Variants in MBNL1 observed in about 807,000 individuals in gnomAD.
The protein encoded by MBNL1 is muscleblind-like protein 1.
A neutral mutation model predicts 42.2 loss-of-function variants in MBNL1; 8 were observed. The observed-to-expected ratio is 0.19, with a 90% CI of 0.11 to 0.34. The LOEUF (loss-of-function observed/expected upper bound fraction) is 0.34. Among genes scored for constraint, MBNL1 ranks in the 10% least tolerant of loss-of-function variants. MBNL1 has a pLI of 1.00. For missense variants in MBNL1, 309 were observed against 495.3 expected (o/e 0.62, Z 3.57); for synonymous variants, 169 against 173.9 (o/e 0.97, Z 0.22).
intron 4 of MBNL1, among the ~76,000 whole-genome samples, chr3:152,439,571 T>TA (rs2099120436): frequency 6.6e-6 from 1 of 152,210 alleles, no homozygotes; most frequent in Non-Finnish European, 1.5e-5. Context: ...TTTATATCTG[T>TA]AATAAACTTT....
intron 1 of MBNL1, among the ~76,000 whole-genome samples, chr3:152,287,892 C>G (rs1295862042): frequency 6.6e-6 from 1 of 152,086 alleles, no homozygotes; most frequent in Non-Finnish European, 1.5e-5. Flanking sequence ...TGCACAGAAC[C>G]TTATGTGCAA....
At chr3:152,329,430 A>G (rs2082591386) in intron 2 of MBNL1, among the ~76,000 whole-genome samples, 1 of 151,748 alleles carries the variant, frequency 6.6e-6, no homozygotes. Context: ...AATTTGCAAC[A>G]ACCCCAAGGA....
chr3:152,296,491 A>G (rs187760583), intron 1 of MBNL1, among the ~76,000 whole-genome samples: 1 of 152,300 alleles, frequency 6.6e-6, no homozygotes, highest in Admixed American at 6.5e-5. Context: ...TGGCTATGAA[A>G]TATTCGTGAC....
upstream of MBNL1, chr3:152,263,310 G>C (rs776093650): frequency 3.9e-5 from 6 of 152,148 alleles, no homozygotes; most frequent in Non-Finnish European, 5.9e-5. Context: ...CCCTATCTCT[G>C]GGAACTGGAA....
At chr3:152,321,264 T>A (rs1383539781) in intron 2 of MBNL1, among the ~76,000 whole-genome samples, 1 of 152,082 alleles carries the variant, frequency 6.6e-6, no homozygotes, top group East Asian at 1.9e-4. Flanking sequence ...CATTAAGAGT[T>A]AGAATAGAGT....
intron 3 of MBNL1, among the ~76,000 whole-genome samples, chr3:152,430,756 G>A (rs1204865256): frequency 6.6e-6 from 1 of 152,178 alleles, no homozygotes; most frequent in African/African-American, 2.4e-5. Context: ...AATGCCCTAG[G>A]CCCTAGTTTC....
intron 1 of MBNL1, among the ~76,000 whole-genome samples, chr3:152,275,336 C>T (rs943288565): frequency 6.6e-6 from 1 of 152,074 alleles, no homozygotes; most frequent in African/African-American, 2.4e-5. Flanking sequence ...TTCTGTTTAC[C>T]AGATCTTGGT....
At position 152,367,027 on chromosome 3, in the gene MBNL1, G is replaced by A. The variant is rs115754869; in HGVS notation, c.175-47914G>A. ...ATTCTAAAGGAACAATACATTAGAC[G>A]TAGTTTACATTTGGCTTTTTAAAAT... On this transcript the variant is annotated intron_variant, in intron 2 of 9. Coordinates refer to ENST00000324210, the MANE Select transcript of MBNL1 (RefSeq NM_021038.5). 9.4e-3 allele frequency among the ~76,000 whole-genome samples: 1,430 copies of A among 152,092 alleles called. 18 individuals are homozygous for A. Among genetic ancestry groups the A allele is most frequent in the East Asian group, 0.03 (156 of 5,176 alleles).
intron 1 of MBNL1, among the ~76,000 whole-genome samples, chr3:152,282,663 TA>T (rs918208659): frequency 2.6e-4 from 39 of 151,482 alleles, no homozygotes; most frequent in African/African-American, 8.7e-4. Context: ...TTTCAATAAT[TA>T]AAAAAAAATT....
At chr3:152,300,443 A>G (rs2060242150) in intron 2 of MBNL1, 76 bp downstream of exon 2, 2 of 1,197,014 alleles carry the variant, frequency 1.7e-6, no homozygotes, top group Non-Finnish European at 2.4e-6. Flanking sequence ...TTCTCTGCAT[A>G]TGGGATTATG....
intron 2 of MBNL1, among the ~76,000 whole-genome samples, chr3:152,352,730 A>G (rs1178853639): frequency 1.3e-5 from 2 of 152,140 alleles, no homozygotes; most frequent in African/African-American, 2.4e-5. Flanking sequence ...AGTAACCCAC[A>G]TCAGTTCCTG....
At chr3:152,353,076 A>G (rs1341331785) in intron 2 of MBNL1, among the ~76,000 whole-genome samples, 3 of 152,208 alleles carry the variant, frequency 2.0e-5, no homozygotes, top group Non-Finnish European at 4.4e-5. Flanking sequence ...TGTCAGATAT[A>G]ATTTTTTGTC....
At chr3:152,458,545 C>A in intron 8 of MBNL1, 2 of 234,240 alleles carry the variant, frequency 8.5e-6, no homozygotes, top group Non-Finnish European at 8.6e-6. Context: ...AGTCCTCTGA[C>A]AGTCTCAATC....
rs75018676 is a variant in MBNL1, at chr3:152,287,644, A to G, written c.-789-11761A>G. 8.8e-3 allele frequency among the ~76,000 whole-genome samples: 1,344 copies of G among 152,328 alleles called. 27 individuals are homozygous for G. The highest frequency in any genetic ancestry group is 0.031 in the African/African-American group (1,270 of 41,578). On this transcript the variant is annotated intron_variant, in intron 1 of 9. Coordinates refer to ENST00000324210, the MANE Select transcript of MBNL1 (RefSeq NM_021038.5). ...ACGAGTCACTGATTCAGATAATCCAATAATCTTTCTGGAGCATCAGTATCC... is the reference window on the plus strand; with the variant it reads ...ACGAGTCACTGATTCAGATAATCCAGTAATCTTTCTGGAGCATCAGTATCC...
intron 2 of MBNL1, among the ~76,000 whole-genome samples, chr3:152,362,355 G>C (rs1472770579): frequency 6.6e-6 from 1 of 152,170 alleles, no homozygotes; most frequent in Non-Finnish European, 1.5e-5. Flanking sequence ...GGTTTGCGCA[G>C]ATGTCAAAAG....
chr3:152,249,396 T>G (rs1489213201), intron 2 of MBNL1, among the ~76,000 whole-genome samples: 3 of 131,572 alleles, frequency 2.3e-5, no homozygotes, highest in East Asian at 4.3e-4. Context: ...TCATGTGTTT[T>G]TTGGCTGCAT....
intron 2 of MBNL1, among the ~76,000 whole-genome samples, chr3:152,366,929 A>G (rs1329391068): frequency 6.6e-6 from 1 of 152,208 alleles, no homozygotes; most frequent in African/African-American, 2.4e-5. Flanking sequence ...TATGTACAAA[A>G]GAGAAAATAA....
At chr3:152,304,559 C>T (rs748395933) in intron 2 of MBNL1, among the ~76,000 whole-genome samples, 2 of 152,150 alleles carry the variant, frequency 1.3e-5, no homozygotes, top group Non-Finnish European at 1.5e-5. Flanking sequence ...AAAACTTTGA[C>T]AGATTATTAT....
rs1486247804 is a variant in MBNL1, at chr3:152,463,053, T to TA, written c.*688dup. On this transcript the variant is annotated 3_prime_UTR_variant, in exon 10 of 10. Transcript: ENST00000324210. ...AAGTGCCATAGACTGTACATCAAAT[T>TA]AGAGTATTATTTCTTCAGTGTTATT... The TA allele has an allele frequency of 6.6e-6, 1 of 152,312 alleles. No homozygotes were observed. Among genetic ancestry groups the TA allele is most frequent in the African/African-American group, 2.4e-5 (1 of 41,360 alleles). The allele number at this position is 152,312 out of a possible 1,614,324, so 9.4% of individuals were successfully genotyped here. A position where few individuals can be genotyped will look rare whatever the true frequency, so the allele number is the denominator to read the frequency against.
Sources: allele counts gnomAD v4.1 joint callset (sites outside exome capture counted in the v4.1 genomes callset), GRCh38; gene constraint gnomAD v4.1.1; transcripts MANE v1.5; gene names NCBI Gene and HGNC (gene_info 2026-07-23, HGNC 2026-07-21).